The following INSC variants were observed in gnomAD, a reference collection of about 807,000 sequenced individuals.
The protein encoded by INSC is INSC spindle orientation adaptor protein, also known as protein inscuteable homolog.
A neutral mutation model predicts 58.6 loss-of-function variants in INSC; 67 were observed. The observed-to-expected ratio is 1.14, with a 90% CI of 0.94 to 1.40. INSC has a LOEUF of 1.40. Among genes scored for constraint, INSC ranks in the 40% most tolerant of loss-of-function variants. The pLI, the probability that INSC is intolerant of heterozygous loss-of-function variation, is 0.00. For missense variants in INSC, 714 were observed against 692.0 expected (o/e 1.03, Z -0.36); for synonymous variants, 262 against 276.1 (o/e 0.95, Z 0.51).
downstream of INSC, among the ~76,000 whole-genome samples, chr11:15,250,541 A>G (rs1341231620): frequency 1.3e-5 from 2 of 152,184 alleles, no homozygotes; most frequent in East Asian, 1.9e-4. Flanking sequence ...TTGCTCACGC[A>G]TCTCCACTGA....
chr11:15,257,056 T>C, the INSC span, among the ~76,000 whole-genome samples: 4 of 152,182 alleles, frequency 2.6e-5, no homozygotes, highest in Non-Finnish European at 5.9e-5. Flanking sequence ...TTTTCCAACA[T>C]TTAAGTGGCT....
At chr11:15,222,929 G>T (rs538785318) in intron 8 of INSC, among the ~76,000 whole-genome samples, 22 of 152,312 alleles carry the variant, frequency 1.4e-4, no homozygotes, top group Admixed American at 1.0e-3. Flanking sequence ...AGAAATCTAA[G>T]CCTAGAGGGG....
chr11:15,174,420 T>C (rs936670476), intron 2 of INSC, among the ~76,000 whole-genome samples: 1 of 152,234 alleles, frequency 6.6e-6, no homozygotes. Context: ...CATTGCTCAT[T>C]TATTTTGAAA....
chr11:15,143,993 C>G (rs948557211), intron 1 of INSC, among the ~76,000 whole-genome samples: 1 of 152,310 alleles, frequency 6.6e-6, no homozygotes, highest in East Asian at 1.9e-4. Context: ...TCCTTTCAGT[C>G]TCAAGCTCCT....
chr11:15,174,475 A>T (rs904832057), intron 2 of INSC, among the ~76,000 whole-genome samples: 1 of 152,150 alleles, frequency 6.6e-6, no homozygotes, highest in South Asian at 2.1e-4. Flanking sequence ...TAGAGAAGTG[A>T]TTATTTGTTT....
At chr11:15,138,412 C>T (rs971540129) in intron 1 of INSC, among the ~76,000 whole-genome samples, 4 of 152,172 alleles carry the variant, frequency 2.6e-5, no homozygotes, top group African/African-American at 9.7e-5. Context: ...CTGCAAAGCA[C>T]AATAGAGTGA....
At chr11:15,234,865 G>A (rs1486973689) in intron 9 of INSC, among the ~76,000 whole-genome samples, 1 of 152,106 alleles carries the variant, frequency 6.6e-6, no homozygotes, top group Non-Finnish European at 1.5e-5. Flanking sequence ...TCCAGTTTGT[G>A]CTGTGAGTTC....
intron 12 of INSC, among the ~76,000 whole-genome samples, chr11:15,242,901 A>G (rs963008852): frequency 1.3e-5 from 2 of 152,166 alleles, no homozygotes; most frequent in African/African-American, 2.4e-5. Flanking sequence ...GCCTGATTCT[A>G]GAGGCCTGCA....
intron 4 of INSC, 95 bp downstream of exon 4, chr11:15,177,258 G>C: frequency 1.1e-6 from 1 of 921,538 alleles, no homozygotes; most frequent in Non-Finnish European, 1.8e-6. Flanking sequence ...ATGGGAATGG[G>C]AGGCGTGGTG....
At chr11:15,181,766 A>G (rs891804406) in intron 5 of INSC, among the ~76,000 whole-genome samples, 4 of 152,200 alleles carry the variant, frequency 2.6e-5, no homozygotes, top group African/African-American at 7.2e-5. Flanking sequence ...GTCATCATGC[A>G]AGTATGTTTG....
chr11:15,229,014 C>T (rs752520782), intron 9 of INSC, among the ~76,000 whole-genome samples: 1 of 152,070 alleles, frequency 6.6e-6, no homozygotes, highest in Non-Finnish European at 1.5e-5. Context: ...TTTCCAGGAG[C>T]CATACTGCCC....
intron 2 of INSC, among the ~76,000 whole-genome samples, chr11:15,156,027 A>G (rs919138075): frequency 6.6e-6 from 1 of 152,186 alleles, no homozygotes; most frequent in African/African-American, 2.4e-5. Flanking sequence ...GGGCAGAGGC[A>G]GGGCAAGGCC....
At chr11:15,264,130 C>A in the INSC span, among the ~76,000 whole-genome samples, 2 of 90,978 alleles carry the variant, frequency 2.2e-5, no homozygotes, top group Admixed American at 1.3e-4. Flanking sequence ...CTACCAGTAG[C>A]CTTAATTATT....
At chr11:15,144,524 C>A (rs115757309) in intron 1 of INSC, among the ~76,000 whole-genome samples, 344 of 152,312 alleles carry the variant, frequency 2.3e-3, no homozygotes, top group African/African-American at 7.9e-3. Flanking sequence ...CAACTCCCAG[C>A]AGCCTCCTCC....
At chr11:15,116,901 C>CCTTCCTTCCTTCCTTCCT (rs1847735720) in intron 1 of INSC, among the ~76,000 whole-genome samples, 1 of 52,376 alleles carries the variant, frequency 1.9e-5, no homozygotes, top group African/African-American at 7.4e-5. Context: ...CCCTCCCTCC[C>CCTTCCTTCCTTCCTTCCT]TCCCTCCCTC....
At chr11:15,175,618 T>C (rs960158479) in intron 2 of INSC, 123 bp from the exon 3 acceptor site, 3 of 604,070 alleles carry the variant, frequency 5.0e-6, no homozygotes, top group African/African-American at 3.7e-5. Flanking sequence ...TCAAGGTGCA[T>C]GAATGGGAGA....
chr11:15,213,345 T>G (rs1405439448), intron 7 of INSC, among the ~76,000 whole-genome samples: 1 of 152,218 alleles, frequency 6.6e-6, no homozygotes, highest in Non-Finnish European at 1.5e-5. Context: ...TGGTAAAGTC[T>G]GGATATCTGT....
At chr11:15,140,728 A>G (rs2133725542) in intron 1 of INSC, among the ~76,000 whole-genome samples, 1 of 151,540 alleles carries the variant, frequency 6.6e-6, no homozygotes. Flanking sequence ...ACAGGAATGT[A>G]CCACCATGCC....
chr11:15,185,335 G>C (rs905650779), intron 5 of INSC, among the ~76,000 whole-genome samples: 10 of 151,984 alleles, frequency 6.6e-5, no homozygotes, highest in Admixed American at 4.6e-4. Context: ...ATAGCATTAA[G>C]TCAATATTCA....
Sources: allele counts gnomAD v4.1 joint callset (sites outside exome capture counted in the v4.1 genomes callset), GRCh38; gene constraint gnomAD v4.1.1; transcripts MANE v1.5; gene names NCBI Gene and HGNC (gene_info 2026-07-23, HGNC 2026-07-21).